Variants in MARS1 observed in about 807,000 individuals in gnomAD.
MARS1 encodes the protein methionine--tRNA ligase, cytoplasmic.
In MARS1, 80 loss-of-function variants were observed where a neutral mutation model predicts 119.5. The observed-to-expected ratio is 0.67, with a 90% CI of 0.56 to 0.81. The LOEUF is 0.81. Ranked by LOEUF, MARS1 falls within the 30% of genes least tolerant of loss-of-function variation. MARS1 has a pLI of 0.00. For missense variants in MARS1, 945 were observed against 1,116.5 expected, an observed-to-expected ratio of 0.85 and a Z score of 2.19; for synonymous variants, 418 against 433.4, an observed-to-expected ratio of 0.96 and a Z score of 0.44.
rs1877591168 is a variant in MARS1 at position 57,512,852 on chromosome 12, TTCTA to T, written c.1859_1862del (p.Tyr620CysfsTer20). Reference sequence around the variant, plus strand: ...GGGGATCCCTGCTGACATCTGGCGCTTCTATCTGCTGTACATTCGGCCTGAGGGC... The same window carrying T: ...GGGGATCCCTGCTGACATCTGGCGCTTCTGCTGTACATTCGGCCTGAGGGC... On this transcript the variant is annotated frameshift_variant, in exon 15 of 21. Coordinates refer to ENST00000262027, the MANE Select transcript of MARS1 (RefSeq NM_004990.4). LOFTEE classifies it high-confidence loss of function. 1.2e-6 allele frequency: 2 copies of T among 1,614,124 alleles called. No individual in the cohort carries two copies. Among genetic ancestry groups the T allele is most frequent in the South Asian group, 2.2e-5 (2 of 91,092 alleles).
chr12:57,490,082 A>G (rs773235950), intron 5 of MARS1, 111 bp downstream of exon 5: 66 of 1,439,714 alleles, frequency 4.6e-5, no homozygotes, highest in Non-Finnish European at 6.2e-5. Flanking sequence ...GGGCAACTAT[A>G]GCAGAAGATG....
chr12:57,503,746 T>TACA (rs777818165), intron 10 of MARS1, among the ~76,000 whole-genome samples: 217 of 152,248 alleles, frequency 1.4e-3, no homozygotes, highest in Non-Finnish European at 4.9e-4. Context: ...TTCACTATGT[T>TACA]GGCCAGGATG....
intron 1 of MARS1, 199 bp downstream of exon 1, chr12:57,488,398 A>T: frequency 1.4e-6 from 1 of 728,926 alleles, no homozygotes; most frequent in South Asian, 1.8e-5. Context: ...TCAATATAAT[A>T]CCCTTCCCTT....
chr12:57,488,161 G>C lies in MARS1; in HGVS notation c.71G>C (p.Gly24Ala), dbSNP rs771461328. ...CTGGCCGCCGCCGGGAGAGCCCGGG[G>C]CAGAGCAGAGGTGCTCATCAGCACT... ...PVLAAAGRAR[G>A]RAEVLISTVG... Residue 24 changes from glycine to alanine, a missense_variant, in exon 1 of 21, where the codon GGC becomes GCC. Physicochemically the swap from Gly to Ala is moderately conservative, Grantham distance 60. Coordinates refer to ENST00000262027, the MANE Select transcript of MARS1 (RefSeq NM_004990.4). 1.9e-5 allele frequency: 30 copies of C among 1,614,172 alleles called. 1 individual carries two copies. In the Admixed American group the frequency reaches 4.5e-4, roughly 24 times the overall value.
intron 10 of MARS1, 99 bp from the exon 11 acceptor site, chr12:57,504,126 T>A (rs994365584): frequency 2.5e-6 from 2 of 797,542 alleles, no homozygotes; most frequent in Admixed American, 1.8e-5. Context: ...CTAAACTAGA[T>A]GGCAGACTGA....
intron 11 of MARS1, among the ~76,000 whole-genome samples, chr12:57,510,247 G>T (rs1877441535): frequency 6.6e-6 from 1 of 152,218 alleles, no homozygotes; most frequent in Admixed American, 6.5e-5. Flanking sequence ...GCCAAGGCAG[G>T]CGGATCATGA....
In MARS1 at chr12:57,488,174, G is replaced by A. The variant is rs1196853548; in HGVS notation, c.84G>A (p.Val28=). The change falls in exon 1 of 21, where the codon GTG becomes GTA. Residue 28 remains valine, a synonymous_variant. Transcript: ENST00000262027. ...AAGRARGRAE[V]LISTVGPEDC... is the part of the protein sequence containing the mutation. ...GGAGAGCCCGGGGCAGAGCAGAGGTGCTCATCAGCACTGTAGGCCCGGAAG... is the reference window on the plus strand; with the variant it reads ...GGAGAGCCCGGGGCAGAGCAGAGGTACTCATCAGCACTGTAGGCCCGGAAG... 1 of 1,614,094 alleles carries A rather than the reference G, an allele frequency of 6.2e-7. No individual in the cohort carries two copies. The highest frequency in any genetic ancestry group is 8.5e-7 in the Non-Finnish European group (1 of 1,179,986).
intron 11 of MARS1, among the ~76,000 whole-genome samples, chr12:57,510,191 T>G (rs1877438984): frequency 6.6e-6 from 1 of 152,140 alleles, no homozygotes; most frequent in Non-Finnish European, 1.5e-5. Context: ...AAAAAAAAAT[T>G]GACTAGGCAT....
At chr12:57,499,957 G>C (rs1462724883) in intron 9 of MARS1, among the ~76,000 whole-genome samples, 1 of 152,222 alleles carries the variant, frequency 6.6e-6, no homozygotes, top group African/African-American at 2.4e-5. Flanking sequence ...AACTGATAGT[G>C]CTATGCAGTT....
At chr12:57,501,001 TG>T (rs1876892052) in intron 10 of MARS1, among the ~76,000 whole-genome samples, 1 of 152,230 alleles carries the variant, frequency 6.6e-6, no homozygotes, top group Non-Finnish European at 1.5e-5. Flanking sequence ...TAGAATAAAC[TG>T]CCAGGAAAAT....
chr12:57,494,494 ATTTTTT>A (rs59160934), intron 7 of MARS1, among the ~76,000 whole-genome samples: 3 of 95,494 alleles, frequency 3.1e-5, no homozygotes, highest in African/African-American at 8.1e-5. Context: ...CGCCTGGCTA[ATTTTTT>A]TTTTTTTTTT....
intron 10 of MARS1, among the ~76,000 whole-genome samples, chr12:57,502,731 AAC>A (rs1300566422): frequency 7.5e-6 from 1 of 134,102 alleles, no homozygotes; most frequent in Non-Finnish European, 1.6e-5. Context: ...AAGCAACAAC[AAC>A]AAAAAAAAAA....
At chr12:57,514,060 AAAAAAAAAAAAAATT>A (rs1877652697) in intron 15 of MARS1, among the ~76,000 whole-genome samples, 2 of 140,562 alleles carry the variant, frequency 1.4e-5, no homozygotes, top group South Asian at 4.4e-4. Context: ...GAGAATCCTC[AAAAAAAAAAAAAATT>A]AAAAAAAAAA....
intron 4 of MARS1, 138 bp from the exon 5 acceptor site, chr12:57,489,758 T>A: frequency 9.3e-7 from 1 of 1,074,502 alleles, no homozygotes; most frequent in Non-Finnish European, 1.4e-6. Flanking sequence ...TGAGTTATTG[T>A]GAGGATTAAG....
chr12:57,512,705 GGATGT>G (rs1877580452), intron 14 of MARS1, 41 bp from the exon 15 acceptor site: 2 of 1,421,414 alleles, frequency 1.4e-6, no homozygotes, highest in Non-Finnish European at 2.0e-6. Flanking sequence ...GAGAGGGGAA[GGATGT>G]GATGTGAGCA....
chr12:57,513,087 T>C (rs1352883225), intron 15 of MARS1, 123 bp downstream of exon 15: 3 of 755,576 alleles, frequency 4.0e-6, no homozygotes, highest in Non-Finnish European at 6.9e-6. Flanking sequence ...CTGTGGAAAG[T>C]TGATTTCTAT....
At chr12:57,504,196 G>C in intron 10 of MARS1, 29 bp from the exon 11 acceptor site, 2 of 1,577,332 alleles carry the variant, frequency 1.3e-6, no homozygotes, top group Non-Finnish European at 1.7e-6. Context: ...CTGCAGGCCT[G>C]ATCTGTCCTC....
chr12:57,508,831 G>A (rs1877374665), intron 11 of MARS1, among the ~76,000 whole-genome samples: 1 of 152,118 alleles, frequency 6.6e-6, no homozygotes, highest in Admixed American at 6.6e-5. Context: ...CAAAGTGCTG[G>A]GATTACAGGT....
intron 7 of MARS1, among the ~76,000 whole-genome samples, chr12:57,493,774 A>T (rs1471792111): frequency 0.012 from 33 of 2,818 alleles, 1 homozygote; most frequent in African/African-American, 0.023. Context: ...TATTATATAT[A>T]ATATATATTA....
Sources: gnomAD v4.1 joint callset for allele counts (sites outside exome capture counted in the v4.1 genomes callset) on GRCh38, gnomAD v4.1.1 for gene constraint, MANE v1.5 for transcripts, NCBI Gene and HGNC (gene_info 2026-07-23, HGNC 2026-07-21) for gene names.